CHST8: variants seen among roughly 807,000 people sequenced by gnomAD.
CHST8 encodes the protein carbohydrate sulfotransferase 8.
Under a neutral mutation model 15.0 loss-of-function variants are expected in CHST8, and 10 were observed. The observed-to-expected ratio is 0.67, with a 90% CI of 0.41 to 1.13. The LOEUF is 1.13. CHST8 is among the 50% of genes most tolerant of loss of function. CHST8 has a pLI of 0.00. For missense variants in CHST8, 634 were observed against 608.2 expected (o/e 1.04, Z -0.45); for synonymous variants, 259 against 256.6 (o/e 1.01, Z -0.09).
chr19:33,735,103 T>C (rs1425809490), intron 3 of CHST8, among the ~76,000 whole-genome samples: 1 of 152,166 alleles, frequency 6.6e-6, no homozygotes, highest in Non-Finnish European at 1.5e-5. Context: ...CAAAACATCC[T>C]AGCTGTTGGC....
chr19:33,662,556 C>T (rs1042314167), intron 1 of CHST8, among the ~76,000 whole-genome samples: 7 of 152,124 alleles, frequency 4.6e-5, no homozygotes, highest in Non-Finnish European at 7.3e-5. Context: ...CTTTGCCCCA[C>T]GGGGAATGCT....
intron 1 of CHST8, among the ~76,000 whole-genome samples, chr19:33,636,269 T>G (rs1271251032): frequency 6.6e-6 from 1 of 152,142 alleles, no homozygotes; most frequent in African/African-American, 2.4e-5. Flanking sequence ...GCGCAAGGTT[T>G]ATAGGCAGAC....
chr19:33,684,223 C>T (rs1972935634), intron 2 of CHST8, among the ~76,000 whole-genome samples: 1 of 152,216 alleles, frequency 6.6e-6, no homozygotes, highest in Non-Finnish European at 1.5e-5. Flanking sequence ...GTAATCTCCA[C>T]CTCGGAACGC....
intron 1 of CHST8, among the ~76,000 whole-genome samples, chr19:33,627,386 A>G (rs1416423884): frequency 1.3e-5 from 2 of 151,352 alleles, no homozygotes; most frequent in Non-Finnish European, 2.9e-5. Flanking sequence ...TGCTGGGTTT[A>G]TAGGCGTGAG....
chr19:33,757,428 A>AGAGAG (rs1974578647), intron 3 of CHST8, among the ~76,000 whole-genome samples: 1 of 17,328 alleles, frequency 5.8e-5, no homozygotes, highest in African/African-American at 2.3e-4. Flanking sequence ...GAAAGAAAGA[A>AGAGAG]AGAAAGAAAG....
intron 2 of CHST8, among the ~76,000 whole-genome samples, chr19:33,682,755 G>A (rs546272376): frequency 6.6e-6 from 1 of 152,344 alleles, no homozygotes; most frequent in South Asian, 2.1e-4. Context: ...ATTGACACAT[G>A]CAAGCTGTAA....
chr19:33,736,978 G>GGGTAT (rs1974098607), intron 3 of CHST8, among the ~76,000 whole-genome samples: 1 of 152,140 alleles, frequency 6.6e-6, no homozygotes, highest in African/African-American at 2.4e-5. Context: ...CTGCTCCTAA[G>GGGTAT]ATGCTAATTA....
intron 3 of CHST8, among the ~76,000 whole-genome samples, chr19:33,699,589 C>T (rs1346230836): frequency 6.6e-6 from 1 of 152,124 alleles, no homozygotes; most frequent in Non-Finnish European, 1.5e-5. Flanking sequence ...CTCCGCAGCA[C>T]GTGCTGCTAT....
At chr19:33,745,833 C>G (rs1395681876) in intron 3 of CHST8, among the ~76,000 whole-genome samples, 1 of 151,166 alleles carries the variant, frequency 6.6e-6, no homozygotes, top group Non-Finnish European at 1.5e-5. Flanking sequence ...AGACCACTCT[C>G]TGGAGAGAGA....
chr19:33,668,823 T>C (rs1272091279), intron 2 of CHST8, among the ~76,000 whole-genome samples: 1 of 152,188 alleles, frequency 6.6e-6, no homozygotes, highest in East Asian at 1.9e-4. Flanking sequence ...TATTAGGATA[T>C]ATGGACTCTC....
intron 3 of CHST8, among the ~76,000 whole-genome samples, chr19:33,704,322 G>A (rs936772598): frequency 6.6e-6 from 1 of 152,236 alleles, no homozygotes; most frequent in Non-Finnish European, 1.5e-5. Context: ...CCATTTATGA[G>A]TGCATTTGAC....
chr19:33,622,694 G>T (rs1600219971), intron 1 of CHST8, among the ~76,000 whole-genome samples: 1 of 152,210 alleles, frequency 6.6e-6, no homozygotes, highest in East Asian at 1.9e-4. Flanking sequence ...CGCTCGGGGC[G>T]CTGGGGCTTC....
Position 33,670,972 on chromosome 19 carries a change from G to A in CHST8, c.-87+3129G>A, listed in dbSNP as rs373527129. 5.9e-5 allele frequency among the ~76,000 whole-genome samples: 9 copies of A among 152,264 alleles called. No individual in the cohort carries two copies. The South Asian group carries it at 1.9e-3, about 32-fold the overall frequency. On this transcript the variant is annotated intron_variant, in intron 2 of 4. Transcript: ENST00000650847. ...AAGTAGCCTATGTAGCTGGTAAGTG[G>A]AGGAGCCAGAGTCTGGACCCCGGCA...
chr19:33,700,141 G>A (rs1308208001), intron 3 of CHST8, among the ~76,000 whole-genome samples: 2 of 152,310 alleles, frequency 1.3e-5, no homozygotes, highest in East Asian at 3.9e-4. Context: ...CCATGGAGCC[G>A]GCTGCTTTCC....
At chr19:33,684,736 A>G (rs1304503481) in intron 2 of CHST8, 1 of 151,962 alleles carries the variant, frequency 6.6e-6, no homozygotes, top group African/African-American at 2.4e-5. Context: ...TCGATCGGCG[A>G]CGAGCAGATG....
chr19:33,644,549 A>G (rs1972325619), intron 1 of CHST8, among the ~76,000 whole-genome samples: 1 of 152,110 alleles, frequency 6.6e-6, no homozygotes, highest in East Asian at 1.9e-4. Context: ...AGCCTGGGCA[A>G]CATAGCAAGA....
rs116815956 is a variant in CHST8 at position 33,690,316 on chromosome 19, G to T, written c.130+925G>T. Among the ~76,000 whole-genome samples the T allele has an allele frequency of 1.6e-3, 246 of 152,310 alleles. 1 individual carries two copies. The highest frequency in any genetic ancestry group is 5.8e-3 in the African/African-American group (240 of 41,570). On this transcript the variant is annotated intron_variant, in intron 3 of 4. Coordinates refer to ENST00000650847, the MANE Select transcript of CHST8 (RefSeq NM_001127895.2). ...CAGTGCTGTGATCCAGAGACAGGAT[G>T]AAAGAGAAGGGGGCCAGAGGTGTAG...
intron 3 of CHST8, among the ~76,000 whole-genome samples, chr19:33,757,529 A>AG (rs1974613964): frequency 2.5e-5 from 1 of 39,804 alleles, no homozygotes; most frequent in Non-Finnish European, 5.2e-5. Context: ...AAAGAGAAAG[A>AG]AAGAAAGAAA....
intron 3 of CHST8, among the ~76,000 whole-genome samples, chr19:33,766,881 A>G (rs1405819097): frequency 6.6e-6 from 1 of 152,222 alleles, no homozygotes; most frequent in Non-Finnish European, 1.5e-5. Context: ...CCCCGGGCAC[A>G]TGGAAACGCG....
Sources: allele counts gnomAD v4.1 joint callset (sites outside exome capture counted in the v4.1 genomes callset), GRCh38; gene constraint gnomAD v4.1.1; transcripts MANE v1.5; gene names NCBI Gene and HGNC (gene_info 2026-07-23, HGNC 2026-07-21).